Variants in LGR5 observed in about 807,000 individuals in gnomAD.
The protein encoded by LGR5 is leucine rich repeat containing G protein-coupled receptor 5.
In LGR5, 54 loss-of-function variants were observed where a neutral mutation model predicts 76.7. That is an observed-to-expected ratio of 0.70 (90% CI 0.57 to 0.88). The LOEUF (loss-of-function observed/expected upper bound fraction) is 0.88, where lower values mean the gene tolerates loss of function less well. Among genes scored for constraint, LGR5 ranks in the 40% least tolerant of loss-of-function variants. The pLI, the probability that LGR5 is intolerant of heterozygous loss-of-function variation, is 0.00. For missense variants in LGR5, 1,078 were observed against 1,073.3 expected (o/e 1.00, Z -0.06); for synonymous variants, 406 against 421.9 (o/e 0.96, Z 0.46).
intron 1 of LGR5, among the ~76,000 whole-genome samples, chr12:71,460,020 G>A (rs545403905): frequency 4.1e-4 from 62 of 152,124 alleles, no homozygotes; most frequent in African/African-American, 1.4e-3. Flanking sequence ...TTGGTATAAT[G>A]TCCTGTGGAA....
At chr12:71,462,002 G>A (rs1872703281) in intron 1 of LGR5, among the ~76,000 whole-genome samples, 1 of 152,156 alleles carries the variant, frequency 6.6e-6, no homozygotes, top group African/African-American at 2.4e-5. Context: ...TGTAAAATGG[G>A]TTAATAGACC....
Position 71,578,931 on chromosome 12 carries a change from T to C in LGR5, c.1406+2T>C. The C allele has an allele frequency of 1.3e-6, 2 of 1,596,840 alleles. No individual in the cohort carries two copies. The highest frequency in any genetic ancestry group is 1.7e-6 in the Non-Finnish European group (2 of 1,173,280). On this transcript the variant is annotated splice_donor_variant, in intron 15 of 17. Transcript: ENST00000266674. LOFTEE classifies it high-confidence loss of function. ...ATCTGAAAACTTTCCAGAACTCAAGTGAGTTTGTCATTAAAACTAATAAGA... is the reference window on the plus strand; with the variant it reads ...ATCTGAAAACTTTCCAGAACTCAAGCGAGTTTGTCATTAAAACTAATAAGA...
chr12:71,553,373 T>G, intron 5 of LGR5, 85 bp downstream of exon 5: 4 of 1,129,738 alleles, frequency 3.5e-6, no homozygotes, highest in African/African-American at 3.1e-5. Flanking sequence ...TCTTCAAAGC[T>G]CAAATGGGGA....
intron 1 of LGR5, among the ~76,000 whole-genome samples, chr12:71,482,972 T>C (rs1873673532): frequency 2.0e-5 from 3 of 152,116 alleles, no homozygotes; most frequent in Non-Finnish European, 4.4e-5. Flanking sequence ...CTTGGGAATA[T>C]AGTGTAAATT....
intron 1 of LGR5, among the ~76,000 whole-genome samples, chr12:71,488,814 G>A (rs1316084873): frequency 1.3e-5 from 2 of 152,096 alleles, no homozygotes; most frequent in Admixed American, 1.3e-4. Context: ...GTTTCAAGAT[G>A]CCATTCATCC....
intron 11 of LGR5, chr12:71,567,137 A>C: frequency 1.9e-6 from 1 of 523,854 alleles, no homozygotes; most frequent in Admixed American, 3.2e-5. Context: ...ACAAGCTCCC[A>C]CTAGACTTTC....
chr12:71,495,223 G>C (rs1448629636), intron 1 of LGR5, among the ~76,000 whole-genome samples: 1 of 151,382 alleles, frequency 6.6e-6, no homozygotes, highest in African/African-American at 2.5e-5. Flanking sequence ...TTCCAGTGCA[G>C]AACATCAGAG....
chr12:71,458,656 G>A lies in LGR5; in HGVS notation c.212+18364G>A, dbSNP rs560080521. On this transcript the variant is annotated intron_variant, in intron 1 of 17. Transcript: ENST00000266674. Reference sequence around the variant, plus strand: ...AGTAAGAAGTCAATCTATGACTGTGGAAGAGATCTTTCATAGTGTCAGCTT... The same window carrying A: ...AGTAAGAAGTCAATCTATGACTGTGAAAGAGATCTTTCATAGTGTCAGCTT... Among the ~76,000 whole-genome samples the A allele has an allele frequency of 1.9e-4, 29 of 152,200 alleles. No homozygotes were observed. The South Asian group carries it at 2.3e-3, about 12-fold the overall frequency.
intron 1 of LGR5, among the ~76,000 whole-genome samples, chr12:71,502,136 A>G (rs1217408782): frequency 6.6e-6 from 1 of 151,544 alleles, no homozygotes; most frequent in Non-Finnish European, 1.5e-5. Context: ...TTACAATATG[A>G]TATGTCAGGT....
In LGR5 at chr12:71,571,594, C is replaced by T. The variant is rs769648548; in HGVS notation, c.1136+15C>T. 4 of 1,580,956 alleles carry T rather than the reference C, an allele frequency of 2.5e-6. No homozygotes were observed. The highest frequency in any genetic ancestry group is 2.2e-5 in the East Asian group (1 of 44,694). ...CTTCAGAAAATGTAAGTCTAGAAGT[C>T]TCTAAGTCACCTAGCAAAAATCAAG... On this transcript the variant is annotated intron_variant, in intron 12 of 17. Transcript: ENST00000266674.
chr12:71,559,463 A>C (rs1322677363), intron 6 of LGR5, 123 bp from the exon 7 acceptor site: 1 of 586,968 alleles, frequency 1.7e-6, no homozygotes, highest in Non-Finnish European at 3.1e-6. Flanking sequence ...TCCATAAAGA[A>C]AAGCAGTGAG....
chr12:71,520,113 A>G (rs1875653776), intron 2 of LGR5, among the ~76,000 whole-genome samples: 2 of 152,194 alleles, frequency 1.3e-5, no homozygotes, highest in Admixed American at 1.3e-4. Context: ...TATTCATAGC[A>G]TCACTGTTCA....
rs1245959353 is a variant in LGR5, at chr12:71,553,056, C to T, written c.429-17C>T. 1 of 1,611,828 alleles carries T rather than the reference C, an allele frequency of 6.2e-7. No homozygotes were observed. The highest frequency in any genetic ancestry group is 1.1e-5 in the South Asian group (1 of 91,010). ...GGCTTTGCTCTCTTTTCCATTCTTG[C>T]TTTCTTTCTTCCACAGGCGTCTGGA... On this transcript the variant is annotated splice_polypyrimidine_tract_variant and intron_variant, in intron 4 of 17. Coordinates refer to ENST00000266674, the MANE Select transcript of LGR5 (RefSeq NM_003667.4).
chr12:71,500,132 T>G (rs1355576643), intron 1 of LGR5, among the ~76,000 whole-genome samples: 1 of 151,970 alleles, frequency 6.6e-6, no homozygotes. Flanking sequence ...CCTGACCACA[T>G]TAATGCTCAG....
intron 6 of LGR5, among the ~76,000 whole-genome samples, chr12:71,558,175 T>A (rs1173176034): frequency 1.3e-5 from 2 of 152,106 alleles, no homozygotes; most frequent in Non-Finnish European, 2.9e-5. Flanking sequence ...CTAGGAAAAA[T>A]TAGAACTCTT....
intron 2 of LGR5, 81 bp downstream of exon 2, chr12:71,504,766 C>T (rs1874778958): frequency 8.5e-7 from 1 of 1,177,956 alleles, no homozygotes; most frequent in Admixed American, 1.7e-5. Context: ...ACTGTGGGAA[C>T]CAGATAAAAC....
intron 1 of LGR5, among the ~76,000 whole-genome samples, chr12:71,484,329 C>G (rs989170705): frequency 6.6e-6 from 1 of 152,108 alleles, no homozygotes; most frequent in Non-Finnish European, 1.5e-5. Flanking sequence ...AAACTGGTTG[C>G]CCTTGAGAGT....
intron 2 of LGR5, among the ~76,000 whole-genome samples, chr12:71,517,655 G>C (rs1031084599): frequency 6.6e-6 from 1 of 152,182 alleles, no homozygotes; most frequent in East Asian, 1.9e-4. Context: ...ACTGTGACCA[G>C]TATAGTTAGG....
At chr12:71,535,539 A>G (rs1011695720) in intron 4 of LGR5, among the ~76,000 whole-genome samples, 6 of 152,176 alleles carry the variant, frequency 3.9e-5, no homozygotes, top group Non-Finnish European at 8.8e-5. Context: ...GCTGTAATCT[A>G]GACATTTTGA....
Sources: allele counts gnomAD v4.1 joint callset (sites outside exome capture counted in the v4.1 genomes callset), GRCh38; gene constraint gnomAD v4.1.1; transcripts MANE v1.5; gene names NCBI Gene and HGNC (gene_info 2026-07-23, HGNC 2026-07-21).